The following LPIN1 variants were observed in gnomAD, a reference collection of about 807,000 sequenced individuals.
LPIN1 encodes lipin 1, also known as phosphatidate phosphatase LPIN1.
A neutral mutation model predicts 107.5 loss-of-function variants in LPIN1; 71 were observed. The observed-to-expected ratio is 0.66, with a 90% CI of 0.55 to 0.80. LPIN1 has a LOEUF of 0.80. Among genes scored for constraint, LPIN1 ranks in the 30% least tolerant of loss-of-function variants. LPIN1 has a pLI of 0.00. For missense variants in LPIN1, 1,043 were observed against 1,160.6 expected, an observed-to-expected ratio of 0.90 and a Z score of 1.47; for synonymous variants, 445 against 452.6, an observed-to-expected ratio of 0.98 and a Z score of 0.21.
At chr2:11,804,103 C>T (rs889614574) in intron 15 of LPIN1, among the ~76,000 whole-genome samples, 6 of 152,130 alleles carry the variant, frequency 3.9e-5, no homozygotes, top group Admixed American at 6.5e-5. Context: ...CGTGTAGCCC[C>T]GTCATTGAAT....
At chr2:11,823,936 C>T (rs777146642) in intron 20 of LPIN1, among the ~76,000 whole-genome samples, 3 of 152,088 alleles carry the variant, frequency 2.0e-5, no homozygotes, top group Non-Finnish European at 2.9e-5. Context: ...CAGGAGAGCC[C>T]GGGTCTCTTG....
At chr2:11,741,543 C>G (rs1057107187) in intron 2 of LPIN1, 5 of 791,244 alleles carry the variant, frequency 6.3e-6, no homozygotes, top group Non-Finnish European at 8.2e-6. Context: ...CCAAACATTG[C>G]CACTCGAGCT....
Position 11,685,573 on chromosome 2 carries a change from G to C in LPIN1, c.81+7845G>C, listed in dbSNP as rs112551042. 8.5e-3 allele frequency among the ~76,000 whole-genome samples: 1,298 copies of C among 152,268 alleles called. 27 individuals carry two copies. The highest frequency in any genetic ancestry group is 0.03 in the African/African-American group (1,247 of 41,548). ...AACAGAATTCAGATGAGAAATCTAG[G>C]CTGGAGATACAACTTCAGTCCCTGA... On this transcript the variant is annotated intron_variant, in intron 1 of 21. Transcript: ENST00000449576.
Position 11,752,318 on chromosome 2 carries a change from C to T in LPIN1, c.-10+5647C>T, listed in dbSNP as rs577509540. 1.9e-4 allele frequency among the ~76,000 whole-genome samples: 29 copies of T among 152,024 alleles called. 1 individual carries two copies. In the South Asian group the frequency reaches 4.6e-3, roughly 24 times the overall value. On this transcript the variant is annotated intron_variant, in intron 1 of 20. Transcript: ENST00000674199. ...TTTGGACCATCTGAAAGGCCTCTTT[C>T]GATTCCTGTATCTTTAATTATGAAT...
chr2:11,773,476 C>T (rs1392471388), intron 4 of LPIN1, 144 bp from the exon 5 acceptor site: 1 of 694,598 alleles, frequency 1.4e-6, no homozygotes, highest in Non-Finnish European at 2.5e-6. Flanking sequence ...CTTTTTCCCC[C>T]TCCACTGCCT....
At position 11,795,493 on chromosome 2, in the gene LPIN1, G is replaced by A. The variant is rs1323215991; in HGVS notation, c.1886+6G>A. On this transcript the variant is annotated splice_donor_region_variant and intron_variant, in intron 14 of 20. Transcript: ENST00000674199. The stretch of plus-strand genomic sequence containing the variant: ...CAGCTCAGCTTGGCCACCAGGTGCG[G>A]TAGGAGGCTTCTTGGGATGTTTGCA... 28 of 1,613,588 alleles carry A rather than the reference G, an allele frequency of 1.7e-5. No individual in the cohort carries two copies. The highest frequency in any genetic ancestry group is 2.2e-5 in the Non-Finnish European group (26 of 1,179,676).
At chr2:11,743,925 T>C (rs143641509), upstream of LPIN1, among the ~76,000 whole-genome samples, 453 of 152,318 alleles carry the variant, frequency 3.0e-3, 5 homozygotes, top group African/African-American at 7.7e-3. This position sits in a 1 kb window ranked among gnomAD's most constrained non-coding sequence, Gnocchi z 4.7. Context: ...GGCTCAGCAG[T>C]GAACAGATCC....
intron 1 of LPIN1, chr2:11,724,565 T>G (rs1009915350): frequency 1.0e-6 from 1 of 985,456 alleles, no homozygotes; most frequent in Admixed American, 6.2e-5. Flanking sequence ...GGCCTTTATC[T>G]GAAGTTAATG....
chr2:11,784,493 A>T (rs1262778637), intron 9 of LPIN1, among the ~76,000 whole-genome samples: 1 of 152,170 alleles, frequency 6.6e-6, no homozygotes, highest in African/African-American at 2.4e-5. Flanking sequence ...GTCGTGGTCC[A>T]CAGCCCAGTA....
In LPIN1 at chr2:11,765,139, G is replaced by T. The variant is rs1219205943; in HGVS notation, c.-9-394G>T. Among the ~76,000 whole-genome samples the T allele has an allele frequency of 2.0e-5, 3 of 152,074 alleles. No homozygotes were observed. Among genetic ancestry groups the T allele is most frequent in the Non-Finnish European group, 1.5e-5 (1 of 67,982 alleles). ...GGTGGACACTGATGGGCCGTAATGG[G>T]CCATGATGGACCGTGATGGGCCGTA... On this transcript the variant is annotated intron_variant, in intron 1 of 20. Transcript: ENST00000674199. The surrounding 1 kb of genome is among the most constrained non-coding windows in gnomAD (Gnocchi z 4.4).
At chr2:11,706,122 T>C (rs983180024) in intron 1 of LPIN1, among the ~76,000 whole-genome samples, 1 of 152,250 alleles carries the variant, frequency 6.6e-6, no homozygotes, top group Non-Finnish European at 1.5e-5. Context: ...CCCAGCCATG[T>C]GGAACTGTTA....
upstream of LPIN1, among the ~76,000 whole-genome samples, chr2:11,720,358 T>TTAG (rs1259715201): frequency 1.3e-5 from 2 of 152,196 alleles, no homozygotes; most frequent in African/African-American, 2.4e-5. Context: ...CACTAGATAC[T>TTAG]TAAGCAGAAA....
chr2:11,808,274 A>C (rs1460554333), intron 17 of LPIN1, among the ~76,000 whole-genome samples: 1 of 152,142 alleles, frequency 6.6e-6, no homozygotes, highest in Non-Finnish European at 1.5e-5. Flanking sequence ...CCAACCACTG[A>C]TGAAAGTAAT....
At chr2:11,716,089 T>C (rs1023356924) in intron 2 of LPIN1, among the ~76,000 whole-genome samples, 1 of 152,108 alleles carries the variant, frequency 6.6e-6, no homozygotes, top group African/African-American at 2.4e-5. Context: ...GTTGGATGCA[T>C]GGTCTGGAGC....
intron 17 of LPIN1, among the ~76,000 whole-genome samples, chr2:11,813,729 A>T (rs1680083002): frequency 6.6e-6 from 1 of 152,114 alleles, no homozygotes; most frequent in Admixed American, 6.5e-5. Flanking sequence ...AGCCTGGCCA[A>T]CATGGTGAAA....
chr2:11,752,968 T>A (rs780982459), intron 1 of LPIN1, among the ~76,000 whole-genome samples: 7 of 152,224 alleles, frequency 4.6e-5, no homozygotes, highest in Non-Finnish European at 7.3e-5. Context: ...ATCCTGACAG[T>A]GTCCGCAGTG....
intron 13 of LPIN1, among the ~76,000 whole-genome samples, chr2:11,794,875 T>C (rs1676396135): frequency 6.6e-6 from 1 of 152,194 alleles, no homozygotes; most frequent in African/African-American, 2.4e-5. Context: ...CCAAAGTTTG[T>C]AAGCAAGAGA....
chr2:11,712,701 C>A (rs1663491920), intron 1 of LPIN1, among the ~76,000 whole-genome samples: 1 of 152,164 alleles, frequency 6.6e-6, no homozygotes, highest in Non-Finnish European at 1.5e-5. Flanking sequence ...GGTTTAGGGG[C>A]TTCTGGGGCT....
chr2:11,779,526 G>A lies in LPIN1; in HGVS notation c.838G>A (p.Gly280Ser), dbSNP rs367859334. 45 of 1,613,372 alleles carry A rather than the reference G, an allele frequency of 2.8e-5. No individual in the cohort carries two copies. Among genetic ancestry groups the A allele is most frequent in the Admixed American group, 2.2e-4 (13 of 60,002 alleles). Residue 280 changes from glycine (G) to serine (S), a missense_variant, in exon 7 of 21, where the codon GGT becomes AGT. Gly to Ser is a moderately conservative substitution (Grantham distance 56). Coordinates refer to ENST00000674199, the MANE Select transcript of LPIN1 (RefSeq NM_001349206.2). ...CTTTGTGTTTTCCTTAAGTCCTTCCGGTTCCCGACCTTCAACACCTAAAAG... is the reference window on the plus strand; with the variant it reads ...CTTTGTGTTTTCCTTAAGTCCTTCCAGTTCCCGACCTTCAACACCTAAAAG... ...SLFHPSESPS[G>S]SRPSTPKSDS...
Sources: allele counts gnomAD v4.1 joint callset (sites outside exome capture counted in the v4.1 genomes callset), GRCh38; gene constraint gnomAD v4.1.1; non-coding constraint Gnocchi (gnomAD v3.1); transcripts MANE v1.5; gene names NCBI Gene and HGNC (gene_info 2026-07-23, HGNC 2026-07-21).